Variants in NALF1 observed in about 807,000 individuals in gnomAD.
NALF1 encodes family with sequence similarity 155 member A.
NALF1 carries 3 observed loss-of-function variants against 48.4 expected under a neutral mutation model. That is an observed-to-expected ratio of 0.06 (90% CI 0.03 to 0.16). The LOEUF (loss-of-function observed/expected upper bound fraction) is 0.16. NALF1 is among the 10% of genes least tolerant of loss of function. The probability of loss-of-function intolerance (pLI) is 1.00; values close to 1 mark genes in which losing one functional copy is unlikely to be tolerated. For missense variants in NALF1, 526 were observed against 571.5 expected, an observed-to-expected ratio of 0.92 and a Z score of 0.81; for synonymous variants, 262 against 245.7, an observed-to-expected ratio of 1.07 and a Z score of -0.62.
chr13:107,610,160 AAGAGG>A (rs1879187236), intron 1 of NALF1, among the ~76,000 whole-genome samples: 1 of 152,210 alleles, frequency 6.6e-6, no homozygotes, highest in African/African-American at 2.4e-5. Flanking sequence ...GTTACTAGGG[AAGAGG>A]AAACTGGTAC....
intron 1 of NALF1, among the ~76,000 whole-genome samples, chr13:107,263,285 CACACACAT>C (rs1445615311): frequency 1.3e-5 from 2 of 151,472 alleles, no homozygotes; most frequent in African/African-American, 4.9e-5. Flanking sequence ...CACACACACA[CACACACAT>C]CTCAGTGGAC....
chr13:107,492,089 C>A (rs866693441), intron 1 of NALF1, among the ~76,000 whole-genome samples: 18 of 133,080 alleles, frequency 1.4e-4, no homozygotes, highest in African/African-American at 5.3e-4. Context: ...GTCGCCCAGG[C>A]TGGAGGACAG....
chr13:107,819,683 T>TTCTCTCTCTCTC (rs35254661), intron 1 of NALF1, among the ~76,000 whole-genome samples: 3,161 of 136,180 alleles, frequency 0.023, 100 homozygotes, highest in East Asian at 0.15. Flanking sequence ...CAGCTGGAAA[T>TTCTCTCTCTCTC]TCTCTCTCTC....
chr13:107,766,085 C>CAAAT (rs1450332660), intron 1 of NALF1, among the ~76,000 whole-genome samples: 1 of 152,154 alleles, frequency 6.6e-6, no homozygotes, highest in Non-Finnish European at 1.5e-5. Context: ...CCACTGTTTA[C>CAAAT]ATTTGATGAT....
intron 1 of NALF1, among the ~76,000 whole-genome samples, chr13:107,838,359 T>C (rs1879958808): frequency 6.6e-6 from 1 of 152,200 alleles, no homozygotes. Context: ...GCATTCCTTT[T>C]CCTTAAGAAT....
intron 1 of NALF1, among the ~76,000 whole-genome samples, chr13:107,240,450 T>A (rs375389561): frequency 6.6e-5 from 10 of 152,196 alleles, no homozygotes; most frequent in African/African-American, 2.2e-4. Context: ...AGTATGACAA[T>A]AACAATGGGA....
chr13:107,756,829 T>C (rs1052976267), intron 1 of NALF1, among the ~76,000 whole-genome samples: 2 of 152,122 alleles, frequency 1.3e-5, no homozygotes, highest in Non-Finnish European at 2.9e-5. Flanking sequence ...AGAAGACATA[T>C]TGCATTGAAA....
chr13:107,481,318 A>T (rs7335119), intron 1 of NALF1, among the ~76,000 whole-genome samples: 3,021 of 152,274 alleles, frequency 0.02, 100 homozygotes, highest in African/African-American at 0.069. Context: ...CGAATAAATG[A>T]CATACTATCT....
In NALF1 at chr13:107,800,683, GTAA is replaced by G. The variant is rs534492032; in HGVS notation, c.915+64996_915+64998del. Among the ~76,000 whole-genome samples, 987 of 145,362 alleles carry G rather than the reference GTAA, an allele frequency of 6.8e-3. 7 individuals are homozygous for G. Among genetic ancestry groups the G allele is most frequent in the Middle Eastern group, 0.011 (2 of 188 alleles). ...TAATACATCATATTGTATTTTATTG[GTAA>G]TAAAATATATTATGTATCATATAAT... On this transcript the variant is annotated intron_variant, in intron 1 of 2. Coordinates refer to ENST00000375915, the MANE Select transcript of NALF1 (RefSeq NM_001080396.3).
chr13:107,410,129 G>C (rs1883965143), intron 1 of NALF1, among the ~76,000 whole-genome samples: 1 of 152,176 alleles, frequency 6.6e-6, no homozygotes, highest in African/African-American at 2.4e-5. Context: ...GCTTGTCCAA[G>C]AAGTGGTAAA....
At chr13:107,853,191 G>A (rs925387425) in intron 1 of NALF1, among the ~76,000 whole-genome samples, 1 of 152,110 alleles carries the variant, frequency 6.6e-6, no homozygotes, top group African/African-American at 2.4e-5. Context: ...TAAAAGAAAT[G>A]CAAATTTGCA....
intron 1 of NALF1, among the ~76,000 whole-genome samples, chr13:107,401,292 C>G (rs139061224): frequency 7.2e-4 from 109 of 152,228 alleles, no homozygotes; most frequent in African/African-American, 2.6e-3. Flanking sequence ...GCTAATATAT[C>G]TAGGGTTTGC....
intron 2 of NALF1, among the ~76,000 whole-genome samples, chr13:107,201,469 C>T (rs965298471): frequency 2.0e-5 from 3 of 151,972 alleles, no homozygotes; most frequent in Admixed American, 6.6e-5. Context: ...CCCAGCTACT[C>T]GGGAGGCTGA....
chr13:107,754,031 G>C (rs1318204392), intron 1 of NALF1, among the ~76,000 whole-genome samples: 1 of 152,028 alleles, frequency 6.6e-6, no homozygotes, highest in Non-Finnish European at 1.5e-5. Flanking sequence ...CCAAATGTTG[G>C]GCAGCTGAAA....
At chr13:107,658,918 G>C (rs1421243778) in intron 1 of NALF1, among the ~76,000 whole-genome samples, 1 of 152,030 alleles carries the variant, frequency 6.6e-6, no homozygotes, top group Admixed American at 6.6e-5. Flanking sequence ...AGTCAAGGAA[G>C]GTAGTGACCT....
At chr13:107,838,560 C>T (rs1037041037) in intron 1 of NALF1, among the ~76,000 whole-genome samples, 2 of 152,158 alleles carry the variant, frequency 1.3e-5, no homozygotes, top group Non-Finnish European at 2.9e-5. Flanking sequence ...TGGCAGGAGG[C>T]ATGCGTGTAT....
intron 1 of NALF1, among the ~76,000 whole-genome samples, chr13:107,485,447 A>G (rs1885314923): frequency 6.6e-6 from 1 of 152,156 alleles, no homozygotes; most frequent in Admixed American, 6.5e-5. Context: ...TTTGCAGGCC[A>G]CACATCTCAA....
chr13:107,623,985 A>G (rs1230469873), intron 1 of NALF1, among the ~76,000 whole-genome samples: 2 of 152,198 alleles, frequency 1.3e-5, no homozygotes, highest in East Asian at 1.9e-4. Flanking sequence ...TGACTGAAGC[A>G]TCGGTGTATT....
At chr13:107,589,333 G>T (rs1878542376) in intron 1 of NALF1, among the ~76,000 whole-genome samples, 1 of 151,928 alleles carries the variant, frequency 6.6e-6, no homozygotes, top group Non-Finnish European at 1.5e-5. Context: ...CAAATTCCAA[G>T]TGTCTAAATT....
Sources: gnomAD v4.1 joint callset for allele counts (sites outside exome capture counted in the v4.1 genomes callset) on GRCh38, gnomAD v4.1.1 for gene constraint, MANE v1.5 for transcripts, NCBI Gene and HGNC (gene_info 2026-07-23, HGNC 2026-07-21) for gene names.